ATP13A5: variants seen among roughly 807,000 people sequenced by gnomAD.
ATP13A5 encodes ATPase 13A5.
ATP13A5 carries 149 observed loss-of-function variants against 150.2 expected under a neutral mutation model. The ratio of observed to expected loss-of-function variants is 0.99; its 90% CI spans 0.87 to 1.14. The LOEUF (loss-of-function observed/expected upper bound fraction) is 1.14, where lower values mean the gene tolerates loss of function less well. Among genes scored for constraint, ATP13A5 ranks in the 50% most tolerant of loss-of-function variants. The pLI is 0.00. For missense variants in ATP13A5, 1,383 were observed against 1,449.3 expected, an observed-to-expected ratio of 0.95 and a Z score of 0.74; for synonymous variants, 497 against 522.2, an observed-to-expected ratio of 0.95 and a Z score of 0.66.
intron 9 of ATP13A5, among the ~76,000 whole-genome samples, chr3:193,341,347 T>C (rs750710832): frequency 4.6e-5 from 7 of 152,188 alleles, no homozygotes; most frequent in Non-Finnish European, 1.0e-4. Context: ...AGAGACTATC[T>C]GAGAGTAAGA....
intron 9 of ATP13A5, among the ~76,000 whole-genome samples, chr3:193,336,499 G>T (rs1301234086): frequency 1.3e-5 from 2 of 151,980 alleles, no homozygotes; most frequent in Admixed American, 6.6e-5. Flanking sequence ...TTGATTTTTT[G>T]TCCTTGAGAT....
intron 23 of ATP13A5, 128 bp from the exon 24 acceptor site, chr3:193,301,435 C>T: frequency 1.5e-6 from 1 of 656,624 alleles, no homozygotes; most frequent in Non-Finnish European, 2.6e-6. Context: ...ATGAATTCAT[C>T]CTCCTATTTA....
chr3:193,336,979 G>A (rs2108878500), intron 9 of ATP13A5, among the ~76,000 whole-genome samples: 1 of 152,292 alleles, frequency 6.6e-6, no homozygotes, highest in Non-Finnish European at 1.5e-5. Context: ...GCATTTCTCT[G>A]ATGGCCAGTG....
intron 11 of ATP13A5, among the ~76,000 whole-genome samples, chr3:193,333,009 GA>G (rs1711693247): frequency 6.6e-6 from 1 of 152,066 alleles, no homozygotes; most frequent in Non-Finnish European, 1.5e-5. Flanking sequence ...TCTTGACCCA[GA>G]AATGCTCCCT....
rs563144873 is a variant in ATP13A5, at chr3:193,330,977, T to G, written c.1461+146A>C. 411 of 727,528 alleles carry G rather than the reference T, an allele frequency of 5.6e-4. 1 individual carries two copies. Among genetic ancestry groups the G allele is most frequent in the Admixed American group, 9.1e-4 (33 of 36,070 alleles). The allele number at this position is 727,528 out of a possible 1,614,324, so 45.1% of individuals were successfully genotyped here. A position where few individuals can be genotyped will look rare whatever the true frequency, so the allele number is the denominator to read the frequency against. On this transcript the variant is annotated intron_variant, in intron 12 of 29. Transcript: ENST00000342358. ...AGAGCAGGCTCCTAGAATGTGATCTTGCACTAGCTCACTCTGTGACCTTCT... is the reference window on the plus strand; with the variant it reads ...AGAGCAGGCTCCTAGAATGTGATCTGGCACTAGCTCACTCTGTGACCTTCT...
intron 19 of ATP13A5, 66 bp from the exon 20 acceptor site, chr3:193,312,007 A>G (rs1718870902): frequency 1.3e-6 from 2 of 1,570,670 alleles, no homozygotes; most frequent in Non-Finnish European, 8.7e-7. Flanking sequence ...CCTATGCGTT[A>G]TTGAAGGAAG....
intron 24 of ATP13A5, among the ~76,000 whole-genome samples, chr3:193,299,586 G>C (rs1718323231): frequency 6.6e-6 from 1 of 152,074 alleles, no homozygotes; most frequent in Non-Finnish European, 1.5e-5. Flanking sequence ...CATTCAATAG[G>C]CATTGCTCTC....
At chr3:193,319,215 A>G in intron 16 of ATP13A5, 107 bp from the exon 17 acceptor site, 1 of 767,448 alleles carries the variant, frequency 1.3e-6, no homozygotes, top group Admixed American at 2.4e-5. Flanking sequence ...CATTCCATAA[A>G]AGCACTTTAA....
intron 2 of ATP13A5, 123 bp downstream of exon 2, chr3:193,363,984 G>T: frequency 1.8e-6 from 2 of 1,103,272 alleles, no homozygotes; most frequent in South Asian, 1.7e-5. Flanking sequence ...TTGATCTATG[G>T]AAACTCTTTA....
chr3:193,324,857 A>G lies in ATP13A5; in HGVS notation c.1674+7T>C. ...ATTCTCATCTTTCCATTAAACTATC[A>G]CCTTACCCAGGCAGTGCCCTCAAAC... On this transcript the variant is annotated splice_region_variant and intron_variant, in intron 14 of 29. Transcript: ENST00000342358. 1 of 1,611,350 alleles carries G rather than the reference A, an allele frequency of 6.2e-7. No homozygotes were observed. Among genetic ancestry groups the G allele is most frequent in the South Asian group, 1.1e-5 (1 of 90,348 alleles).
intron 21 of ATP13A5, 123 bp from the exon 22 acceptor site, chr3:193,307,492 G>A (rs550759788): frequency 6.4e-5 from 73 of 1,147,864 alleles, no homozygotes; most frequent in Non-Finnish European, 8.8e-5. Context: ...GAACACACCT[G>A]GAATCAGGCT....
At position 193,368,392 on chromosome 3, in the gene ATP13A5, TTGTGTGTG is replaced by T. The variant is rs1286543236; in HGVS notation, c.64-4120_64-4113del. Reference sequence around the variant, plus strand: ...AATCCAATTTAAAATCTCTTCAGACTTGTGTGTGTGTGTGTGTGTGTGTGTGTGTGGTA... The same window carrying T: ...AATCCAATTTAAAATCTCTTCAGACTTGTGTGTGTGTGTGTGTGTGTGGTA... On this transcript the variant is annotated intron_variant, in intron 1 of 29. Coordinates refer to ENST00000342358, the MANE Select transcript of ATP13A5 (RefSeq NM_198505.4). Among the ~76,000 whole-genome samples the T allele has an allele frequency of 8.5e-3, 1,255 of 147,350 alleles. 53 individuals carry two copies. The highest frequency in any genetic ancestry group is 0.079 in the Admixed American group (1,167 of 14,746).
chr3:193,338,247 T>C (rs1279111388), intron 9 of ATP13A5, among the ~76,000 whole-genome samples: 2 of 152,198 alleles, frequency 1.3e-5, no homozygotes, highest in Non-Finnish European at 1.5e-5. Context: ...CTGATTGCCC[T>C]GGCCAGAACT....
intron 12 of ATP13A5, among the ~76,000 whole-genome samples, chr3:193,327,342 C>CCCAA (rs1325897103): frequency 2.6e-5 from 4 of 152,278 alleles, no homozygotes; most frequent in African/African-American, 9.6e-5. Flanking sequence ...ATTGCTATGA[C>CCCAA]CGTTGCTGTT....
Position 193,335,045 on chromosome 3 carries a change from G to T in ATP13A5, c.998C>A (p.Pro333His). 1 of 1,613,956 alleles carries T rather than the reference G, an allele frequency of 6.2e-7. No homozygotes were observed. Among genetic ancestry groups the T allele is most frequent in the Non-Finnish European group, 8.5e-7 (1 of 1,179,836 alleles). ...TPLPQMENTM[P>H]WKCHSLEDYR... ...ATCCTCCAAACTGTGACATTTCCAAGGCATAGTGTTCTCCATCTGGGGCAA... is the reference window on the plus strand; with the variant it reads ...ATCCTCCAAACTGTGACATTTCCAATGCATAGTGTTCTCCATCTGGGGCAA... The change falls in exon 10 of 30, where the codon CCT becomes CAT. Residue 333 changes from proline to histidine, a missense_variant. Transcript: ENST00000342358.
chr3:193,321,833 G>C lies in ATP13A5; in HGVS notation c.1763C>G (p.Pro588Arg). Residue 588 changes from proline to arginine, a missense_variant, in exon 16 of 30, where the codon CCA (proline) becomes CGA (arginine). This residue lies in a region of ATP13A5 where 787 missense variants were observed against 771.9 expected (regional missense o/e 1.02). Transcript: ENST00000342358. ...IKPGPKASKS[P>R]VEAIITLCQF... ...GCACAAGGTGATGATGGCTTCCACT[G>C]GACTCTGCAAGCCCATCAACAACAG... The C allele has an allele frequency of 6.2e-7, 1 of 1,613,998 alleles. No individual in the cohort carries two copies. The highest frequency in any genetic ancestry group is 8.5e-7 in the Non-Finnish European group (1 of 1,179,954).
chr3:193,324,883 A>T lies in ATP13A5; in HGVS notation c.1655T>A (p.Met552Lys), dbSNP rs920630347. 1.2e-6 allele frequency: 2 copies of T among 1,613,900 alleles called. No homozygotes were observed. Among genetic ancestry groups the T allele is most frequent in the African/African-American group, 2.7e-5 (2 of 74,920 alleles). The change falls in exon 14 of 30, where the codon ATG (methionine) becomes AAG (lysine). Residue 552 changes from methionine (M) to lysine (K), a missense_variant. This residue lies in a region of ATP13A5 where 787 missense variants were observed against 771.9 expected (regional missense o/e 1.02). Coordinates refer to ENST00000342358, the MANE Select transcript of ATP13A5 (RefSeq NM_198505.4). ...CCTTACCCAGGCAGTGCCCTCAAAC[A>T]TTTTGAGGTCCAGAGGGTCTCCCTG... is the stretch of plus-strand genomic sequence containing the variant. ...TIQGDPLDLKMFEGTAWKMED... is the reference protein window; with the variant it reads ...TIQGDPLDLKKFEGTAWKMED...
chr3:193,374,976 G>GGT (rs2108587583), intron 1 of ATP13A5, among the ~76,000 whole-genome samples: 1 of 152,168 alleles, frequency 6.6e-6, no homozygotes, highest in South Asian at 2.1e-4. Flanking sequence ...GCCCTCACCA[G>GGT]GTGTGGTCCC....
intron 28 of ATP13A5, chr3:193,277,656 G>A (rs1252180382): frequency 6.6e-6 from 1 of 152,148 alleles, no homozygotes; most frequent in African/African-American, 2.4e-5. Flanking sequence ...TCTTAATCAA[G>A]TTGTGAAATA....
Sources: allele counts gnomAD v4.1 joint callset (sites outside exome capture counted in the v4.1 genomes callset), GRCh38; gene constraint gnomAD v4.1.1; regional missense constraint gnomAD v4.1.1; transcripts MANE v1.5; gene names NCBI Gene and HGNC (gene_info 2026-07-23, HGNC 2026-07-21).